RPP40: variants seen among roughly 807,000 people sequenced by gnomAD.
RPP40 encodes ribonuclease P/MRP subunit p40, also known as ribonuclease P protein subunit p40.
In RPP40, 30 loss-of-function variants were observed where a neutral mutation model predicts 42.5. The observed-to-expected ratio is 0.71, with a 90% CI of 0.53 to 0.96. The LOEUF is 0.96. RPP40 is among the 40% of genes least tolerant of loss of function. The probability of loss-of-function intolerance (pLI) is 0.00; values close to 1 mark genes in which losing one functional copy is unlikely to be tolerated. For synonymous variants in RPP40, 173 were observed against 164.0 expected (o/e 1.05, Z -0.42); for missense variants, 426 against 433.5 (o/e 0.98, Z 0.15).
intron 2 of RPP40, 64 bp downstream of exon 2, chr6:5,002,037 G>A (rs936199319): frequency 1.4e-6 from 2 of 1,432,460 alleles, no homozygotes; most frequent in African/African-American, 1.4e-5. Context: ...CCCTAGCATC[G>A]TGATGTGGTC....
chr6:4,994,188 T>C (rs1162726237), downstream of RPP40, among the ~76,000 whole-genome samples: 2 of 140,466 alleles, frequency 1.4e-5, no homozygotes, highest in Non-Finnish European at 1.5e-5. Context: ...TAGGTGGGAA[T>C]TGAACAATGA....
In RPP40 at chr6:5,002,176, G is replaced by C; in HGVS notation, c.193C>G (p.Pro65Ala). Residue 65 changes from proline (P) to alanine (A), a missense_variant, in exon 2 of 8, where the codon CCC becomes GCC. Coordinates refer to ENST00000380051, the MANE Select transcript of RPP40 (RefSeq NM_006638.4). ...ELKNLVMNTG[P>A]YYFVKNLPLH... ...GGTAAATTCTTCACAAAGTAATAGG[G>C]TCCAGTGTTCATGACCAGGTTTTTC... is the stretch of plus-strand genomic sequence containing the variant. 11 of 1,611,476 alleles carry C rather than the reference G, an allele frequency of 6.8e-6. No homozygotes were observed. Among genetic ancestry groups the C allele is most frequent in the Non-Finnish European group, 9.3e-6 (11 of 1,177,658 alleles).
intron 2 of RPP40, 151 bp downstream of exon 2, chr6:5,001,950 T>A (rs1759571624): frequency 1.5e-6 from 1 of 646,574 alleles, no homozygotes; most frequent in Non-Finnish European, 2.6e-6. Context: ...AAGAACAGGA[T>A]GAGAATGCGG....
chr6:4,996,010 C>T lies in RPP40; in HGVS notation c.834G>A (p.Leu278=). ...GAAGTATGAAGCCAGTGATTGTACACAAATAAGCTTTTGCCACCACTGTGC... is the reference window on the plus strand; with the variant it reads ...GAAGTATGAAGCCAGTGATTGTACATAAATAAGCTTTTGCCACCACTGTGC... ...EPSTVVAKAY[L]CTITGFILPE... is the part of the protein sequence containing the mutation. Residue 278 remains leucine (L), a synonymous_variant, in exon 7 of 8, where the codon TTG becomes TTA. Coordinates refer to ENST00000380051, the MANE Select transcript of RPP40 (RefSeq NM_006638.4). 1.2e-6 allele frequency: 2 copies of T among 1,614,012 alleles called. No homozygotes were observed. Among genetic ancestry groups the T allele is most frequent in the East Asian group, 2.2e-5 (1 of 44,884 alleles).
chr6:4,999,769 C>T (rs1759494493), intron 4 of RPP40, 40 bp downstream of exon 4: 1 of 1,119,278 alleles, frequency 8.9e-7, no homozygotes, highest in Non-Finnish European at 1.3e-6. Context: ...TAAATTGCCA[C>T]AAGAAGATTA....
downstream of RPP40, among the ~76,000 whole-genome samples, chr6:4,990,633 G>A (rs971736407): frequency 3.3e-5 from 5 of 149,278 alleles, no homozygotes; most frequent in Non-Finnish European, 4.4e-5. Context: ...ACAGGCATGT[G>A]CTACCATGCC....
chr6:4,991,189 TTGAG>T (rs971240858), downstream of RPP40, among the ~76,000 whole-genome samples: 1 of 152,204 alleles, frequency 6.6e-6, no homozygotes, highest in African/African-American at 2.4e-5. Context: ...TCTGCTTACT[TTGAG>T]TTTTTCTCTT....
At chr6:5,001,370 A>G (rs912710) in intron 2 of RPP40, among the ~76,000 whole-genome samples, 135,092 of 152,218 alleles carry the variant, frequency 0.89, 60,065 homozygotes, top group East Asian at 0.99. Flanking sequence ...TGATGAGACC[A>G]GACAAGATGC....
At chr6:5,003,555 C>T (rs1478128733) in intron 1 of RPP40, 1 of 221,168 alleles carries the variant, frequency 4.5e-6, no homozygotes, top group Non-Finnish European at 8.9e-6. Context: ...CTGGTCCCGG[C>T]CCTGAACCTC....
chr6:5,002,219 C>A lies in RPP40; in HGVS notation c.150G>T (p.Gly50=). 3.7e-6 allele frequency: 6 copies of A among 1,612,916 alleles called. No individual in the cohort carries two copies. Among genetic ancestry groups the A allele is most frequent in the Non-Finnish European group, 4.2e-6 (5 of 1,179,444 alleles). The change falls in exon 2 of 8, where the codon GGG becomes GGT. Residue 50 remains glycine (G), a synonymous_variant. Transcript: ENST00000380051. ...GGTTTTTCAGTTCTTCCGATAGTAT[C>A]CCACATTCAGGAATGAGAAATGAAA... ...YRVSFLIPEC[G]ILSEELKNLV...
Position 5,003,943 on chromosome 6 carries a change from G to T in RPP40, c.60C>A (p.Ser20=). ...APRHLLVCEK[S]NFGNHKSRHR... ...GGCGCGACTTGTGGTTGCCGAAGTT[G>T]GATTTCTCGCAAACCAGTAAGTGCC... The change falls in exon 1 of 8, where the codon TCC becomes TCA. Residue 20 remains serine (S), a synonymous_variant. Transcript: ENST00000380051. 6.2e-7 allele frequency: 1 copy of T among 1,613,702 alleles called. No individual in the cohort carries two copies. Among genetic ancestry groups the T allele is most frequent in the Non-Finnish European group, 8.5e-7 (1 of 1,179,764 alleles).
intron 5 of RPP40, among the ~76,000 whole-genome samples, chr6:4,997,166 T>C (rs1759409072): frequency 6.6e-6 from 1 of 152,178 alleles, no homozygotes; most frequent in Non-Finnish European, 1.5e-5. Context: ...TAATTTTAGG[T>C]GTCAACCTGA....
chr6:5,000,345 C>T (rs1234735748), intron 3 of RPP40, among the ~76,000 whole-genome samples: 4 of 152,060 alleles, frequency 2.6e-5, no homozygotes, highest in African/African-American at 4.8e-5. Flanking sequence ...TGAGCCACCA[C>T]GCCGGCTAAT....
Position 5,002,210 on chromosome 6 carries a change from C to G in RPP40, c.159G>C (p.Ser53=). The change falls in exon 2 of 8, where the codon TCG becomes TCC. Residue 53 remains serine (S), a synonymous_variant. Transcript: ENST00000380051. ...TCATGACCAGGTTTTTCAGTTCTTC[C>G]GATAGTATCCCACATTCAGGAATGA... is the stretch of plus-strand genomic sequence containing the variant. ...SFLIPECGIL[S]EELKNLVMNT... 1 of 1,613,226 alleles carries G rather than the reference C, an allele frequency of 6.2e-7. No homozygotes were observed. The highest frequency in any genetic ancestry group is 8.5e-7 in the Non-Finnish European group (1 of 1,179,478).
At position 5,002,101 on chromosome 6, in the gene RPP40, CTT is replaced by C; in HGVS notation, c.266_267del (p.Lys89ArgfsTer13). The part of the protein sequence containing the change: ...TPEFISTFIK[K>X]GSCYALTYNT... ...CACAGCCATTTCAGGTTTTTCTTAC[CTT>C]TCTTTATAAAGGTACTGATGAATTC... On this transcript the variant is annotated frameshift_variant and splice_region_variant, in exon 2 of 8. Transcript: ENST00000380051. LOFTEE classifies it high-confidence loss of function. 1 of 1,610,200 alleles carries C rather than the reference CTT, an allele frequency of 6.2e-7. No homozygotes were observed. The highest frequency in any genetic ancestry group is 8.5e-7 in the Non-Finnish European group (1 of 1,178,488).
Position 4,995,209 on chromosome 6 carries a change from G to A in RPP40, c.961C>T (p.Pro321Ser), listed in dbSNP as rs138760401. Residue 321 changes from proline to serine, a missense_variant, in exon 8 of 8, where the codon CCT becomes TCT. Pro to Ser is a moderately conservative substitution (Grantham distance 74). Transcript: ENST00000380051. Reference protein sequence around the residue: ...TLSVQGFADSPVSWEKNEHGF... With the variant: ...TLSVQGFADSSVSWEKNEHGF... Reference sequence around the variant, plus strand: ...TGTTCATTTTTTTCCCAAGAAACAGGGCTGTCTGCAAAGCCTTGAACGGAC... The same window carrying A: ...TGTTCATTTTTTTCCCAAGAAACAGAGCTGTCTGCAAAGCCTTGAACGGAC... 2.1e-5 allele frequency: 34 copies of A among 1,613,850 alleles called. No homozygotes were observed. The highest frequency in any genetic ancestry group is 2.3e-5 in the Non-Finnish European group (27 of 1,179,978).
At chr6:5,000,891 C>T (rs1340254839) in intron 2 of RPP40, among the ~76,000 whole-genome samples, 2 of 150,966 alleles carry the variant, frequency 1.3e-5, no homozygotes, top group Non-Finnish European at 3.0e-5. Flanking sequence ...TGCAGAAGAC[C>T]AAGCATGCAG....
downstream of RPP40, among the ~76,000 whole-genome samples, chr6:4,991,491 A>G (rs1246980): frequency 0.3 from 45,305 of 152,056 alleles, 7,307 homozygotes; most frequent in African/African-American, 0.43. Context: ...ATTTTCTGCT[A>G]TTGTAAGATG....
chr6:5,003,981 G>C lies in RPP40; in HGVS notation c.22C>G (p.Arg8Gly). Residue 8 changes from arginine to glycine, a missense_variant, in exon 1 of 8, where the codon CGG becomes GGG. By Grantham distance (125) the Arg-to-Gly change is moderately radical. Coordinates refer to ENST00000380051, the MANE Select transcript of RPP40 (RefSeq NM_006638.4). MATLRRL[R>G]EAPRHLLVCE... is the part of the protein sequence containing the mutation. ...ACCAGTAAGTGCCGCGGCGCCTCCCGAAGCCGGCGCAGCGTGGCCATGCTC... is the reference window on the plus strand; with the variant it reads ...ACCAGTAAGTGCCGCGGCGCCTCCCCAAGCCGGCGCAGCGTGGCCATGCTC... 6.2e-7 allele frequency: 1 copy of C among 1,611,330 alleles called. No individual in the cohort carries two copies. The highest frequency in any genetic ancestry group is 8.5e-7 in the Non-Finnish European group (1 of 1,179,106).
Sources: allele counts gnomAD v4.1 joint callset (sites outside exome capture counted in the v4.1 genomes callset), GRCh38; gene constraint gnomAD v4.1.1; transcripts MANE v1.5; gene names NCBI Gene and HGNC (gene_info 2026-07-23, HGNC 2026-07-21).